Variants in NTM observed in about 807,000 individuals in gnomAD.
NTM encodes the protein IgLON family member 2.
In NTM, 13 loss-of-function variants were observed where a neutral mutation model predicts 42.1. The ratio of observed to expected loss-of-function variants is 0.31; its 90% CI spans 0.20 to 0.49. NTM has a LOEUF of 0.49. NTM is among the 20% of genes least tolerant of loss of function. NTM has a pLI of 0.99. For missense variants in NTM, 373 were observed against 452.8 expected (o/e 0.82, Z 1.60); for synonymous variants, 187 against 179.2 (o/e 1.04, Z -0.35).
At chr11:131,858,117 G>T (rs1441660136) in intron 1 of NTM, among the ~76,000 whole-genome samples, 1 of 152,064 alleles carries the variant, frequency 6.6e-6, no homozygotes, top group Non-Finnish European at 1.5e-5. Flanking sequence ...TACATAAGTT[G>T]TTTTGTGATT....
chr11:132,018,275 G>C (rs2135493181), intron 2 of NTM, among the ~76,000 whole-genome samples: 1 of 151,852 alleles, frequency 6.6e-6, no homozygotes, highest in East Asian at 1.9e-4. Context: ...TTGAAAAGAA[G>C]TGTCAAAATT....
chr11:131,763,711 T>A (rs996060971), intron 1 of NTM, among the ~76,000 whole-genome samples: 2 of 120,198 alleles, frequency 1.7e-5, no homozygotes, highest in Non-Finnish European at 3.4e-5. Context: ...CTCTCTCTCT[T>A]TTTTTTTTTT....
chr11:131,982,365 G>A (rs1437497240), intron 2 of NTM, among the ~76,000 whole-genome samples: 2 of 152,140 alleles, frequency 1.3e-5, no homozygotes, highest in African/African-American at 2.4e-5. Flanking sequence ...AGAGAAAGAA[G>A]GGGCAAGAAC....
chr11:132,211,858 AG>A, intron 3 of NTM, 163 bp from the exon 4 acceptor site: 1 of 540,238 alleles, frequency 1.9e-6, no homozygotes, highest in Non-Finnish European at 3.0e-6. Context: ...GCTAAATTAA[AG>A]GTAAGACTTT....
chr11:131,862,266 A>T (rs1024915248), intron 1 of NTM, among the ~76,000 whole-genome samples: 13 of 152,200 alleles, frequency 8.5e-5, no homozygotes, highest in Non-Finnish European at 8.8e-5. Context: ...TACAGAGAAC[A>T]CAAAGTCAAG....
intron 2 of NTM, among the ~76,000 whole-genome samples, chr11:131,998,114 C>A (rs2068432603): frequency 6.6e-6 from 1 of 152,120 alleles, no homozygotes; most frequent in South Asian, 2.1e-4. Flanking sequence ...GGCCACTTTT[C>A]ATCTCAGGCC....
At chr11:131,684,683 CTGTT>C (rs1592541947) in intron 1 of NTM, among the ~76,000 whole-genome samples, 2 of 152,348 alleles carry the variant, frequency 1.3e-5, no homozygotes, top group East Asian at 3.9e-4. Flanking sequence ...CTCCCTGCCT[CTGTT>C]TGAGAAGCCT....
intron 1 of NTM, among the ~76,000 whole-genome samples, chr11:131,501,977 C>A (rs1383925589): frequency 1.3e-5 from 2 of 152,106 alleles, no homozygotes; most frequent in Admixed American, 6.5e-5. Flanking sequence ...AGACTTCCAA[C>A]AGAGATGTCA....
At chr11:131,750,170 A>G (rs2082306674) in intron 1 of NTM, among the ~76,000 whole-genome samples, 1 of 152,070 alleles carries the variant, frequency 6.6e-6, no homozygotes. Context: ...CTTTCCAAAT[A>G]CTTACCTTGC....
At chr11:131,705,178 T>C (rs549413759) in intron 1 of NTM, among the ~76,000 whole-genome samples, 2 of 152,290 alleles carry the variant, frequency 1.3e-5, no homozygotes, top group South Asian at 4.1e-4. Context: ...AGGCACATTA[T>C]AGTTAAATTT....
At position 131,547,522 on chromosome 11, in the gene NTM, TGTGGACG is replaced by T. The variant is rs555519491; in HGVS notation, c.82+176638_82+176644del. 5.3e-5 allele frequency among the ~76,000 whole-genome samples: 8 copies of T among 152,254 alleles called. No homozygotes were observed. In the East Asian group the frequency reaches 1.6e-3, roughly 30 times the overall value. ...GGGATGGCGTTCAGTGAAATGGTTT[TGTGGACG>T]GTGAAGTCCTGCTCTTCTTAGAGTC... On this transcript the variant is annotated intron_variant, in intron 1 of 8. Transcript: ENST00000683400.
At chr11:132,177,068 C>G (rs1207647763) in intron 3 of NTM, among the ~76,000 whole-genome samples, 1 of 152,106 alleles carries the variant, frequency 6.6e-6, no homozygotes, top group Non-Finnish European at 1.5e-5. Context: ...CTTTGTTACT[C>G]AAACTTCTCC....
intron 1 of NTM, chr11:131,671,651 A>G: frequency 1.0e-6 from 1 of 966,712 alleles, no homozygotes; most frequent in Non-Finnish European, 1.2e-6. Flanking sequence ...GAGAACCACC[A>G]AGACTCAGCG....
chr11:131,792,292 T>G (rs1038576453), intron 1 of NTM, among the ~76,000 whole-genome samples: 1 of 151,948 alleles, frequency 6.6e-6, no homozygotes, highest in African/African-American at 2.4e-5. Flanking sequence ...AAATATTTGG[T>G]GGGTAATGCA....
chr11:131,371,766 ATCT>A (rs10602504), intron 1 of NTM, among the ~76,000 whole-genome samples: 41,507 of 151,718 alleles, frequency 0.27, 6,123 homozygotes, highest in East Asian at 0.58. Context: ...TTATCCACTA[ATCT>A]TCTTGCTCCC....
At chr11:131,718,655 G>A (rs554570714) in intron 1 of NTM, among the ~76,000 whole-genome samples, 1 of 152,192 alleles carries the variant, frequency 6.6e-6, no homozygotes, top group East Asian at 1.9e-4. Context: ...GTCCTCTGCT[G>A]GATGCTCAAG....
intron 1 of NTM, among the ~76,000 whole-genome samples, chr11:131,848,840 G>A (rs962324766): frequency 3.3e-5 from 5 of 152,146 alleles, no homozygotes; most frequent in African/African-American, 1.2e-4. Flanking sequence ...CATAGTGCAA[G>A]TGGAGTTTCA....
chr11:131,955,701 G>T (rs2061488601), intron 2 of NTM, among the ~76,000 whole-genome samples: 1 of 142,148 alleles, frequency 7.0e-6, no homozygotes, highest in African/African-American at 2.6e-5. Flanking sequence ...CCCTCCCAGT[G>T]CCCCGACCTC....
intron 4 of NTM, among the ~76,000 whole-genome samples, chr11:132,230,662 A>G (rs1051758956): frequency 2.6e-5 from 4 of 152,240 alleles, no homozygotes; most frequent in Non-Finnish European, 5.9e-5. Context: ...GATAGGATGT[A>G]TATTCCTAGC....
Sources: gnomAD v4.1 joint callset for allele counts (sites outside exome capture counted in the v4.1 genomes callset) on GRCh38, gnomAD v4.1.1 for gene constraint, MANE v1.5 for transcripts, NCBI Gene and HGNC (gene_info 2026-07-23, HGNC 2026-07-21) for gene names.